Variants in KCNQ1 observed in about 807,000 individuals in gnomAD.
KCNQ1 encodes the protein potassium voltage-gated channel subfamily KQT member 1.
Under a neutral mutation model 72.4 loss-of-function variants are expected in KCNQ1, and 49 were observed. That is an observed-to-expected ratio of 0.68 (90% CI 0.54 to 0.86). The LOEUF (loss-of-function observed/expected upper bound fraction) is 0.86, where lower values mean the gene tolerates loss of function less well. KCNQ1 is among the 40% of genes least tolerant of loss of function. The pLI, the probability that KCNQ1 is intolerant of heterozygous loss-of-function variation, is 0.00. For missense variants in KCNQ1, 790 were observed against 945.1 expected (o/e 0.84, Z 2.15); for synonymous variants, 450 against 412.6 (o/e 1.09, Z -1.10).
At chr11:2,469,149 CTGTG>C (rs1455646868) in intron 1 of KCNQ1, among the ~76,000 whole-genome samples, 3 of 152,162 alleles carry the variant, frequency 2.0e-5, no homozygotes, top group African/African-American at 7.2e-5. Context: ...TGGTGACTCA[CTGTG>C]TGGGGTCATC....
rs906960803 is a variant in KCNQ1 at position 2,645,248 on chromosome 11, TGTG to T, written c.1394-16707_1394-16705del. The T allele has an allele frequency of 2.0e-5, 8 of 398,640 alleles. No homozygotes were observed. In the South Asian group the frequency reaches 5.1e-4, roughly 25 times the overall value. The allele number at this position is 398,640 out of a possible 1,614,324, so 24.7% of individuals were successfully genotyped here. A position where few individuals can be genotyped will look rare whatever the true frequency, so the allele number is the denominator to read the frequency against. On this transcript the variant is annotated intron_variant, in intron 10 of 15. Transcript: ENST00000155840. The surrounding 1 kb of genome is among the most constrained non-coding windows in gnomAD (Gnocchi z 5.8). ...GTGGCAAATTCAAGTGAATGCCAGT[TGTG>T]GTGGTAATGGTCAGTTGGGTAGGGC...
At position 2,473,232 on chromosome 11, in the gene KCNQ1, G is replaced by T. The variant is rs550655084; in HGVS notation, c.386+27748G>T. 6.6e-5 allele frequency among the ~76,000 whole-genome samples: 10 copies of T among 152,146 alleles called. No homozygotes were observed. In the South Asian group the frequency reaches 2.1e-3, roughly 32 times the overall value. ...AAGGGGTGGGGCTGGCAGGGAGGGG[G>T]CTCCATTAATTCTGATGTCATTTAT... On this transcript the variant is annotated intron_variant, in intron 1 of 15. Coordinates refer to ENST00000155840, the MANE Select transcript of KCNQ1 (RefSeq NM_000218.3). This position sits in a 1 kb window ranked among gnomAD's most constrained non-coding sequence, Gnocchi z 6.0.
chr11:2,663,634 A>G lies in KCNQ1; in HGVS notation c.1514+1553A>G. ...TCACGGACCAGCATCCAGACATGCA[A>G]AAAGTCCTACTGGGAGGAGAGGGCC... is the stretch of plus-strand genomic sequence containing the variant. On this transcript the variant is annotated intron_variant, in intron 11 of 15. Transcript: ENST00000155840. This position sits in a 1 kb window ranked among gnomAD's most constrained non-coding sequence, Gnocchi z 5.2. 1 of 398,674 alleles carries G rather than the reference A, an allele frequency of 2.5e-6. No individual in the cohort carries two copies. Among genetic ancestry groups the G allele is most frequent in the East Asian group, 3.6e-5 (1 of 28,076 alleles). 24.7% of individuals were successfully genotyped at this position (398,674 alleles called of 1,614,324 possible).
rs1313048150 is a variant in KCNQ1, at chr11:2,468,906, G to A, written c.386+23422G>A. ...TTTTGCTTCTCTTGTGCAAGCAAGT[G>A]GTTGAACTGCTCTGCAGCCCGCTGG... is the stretch of plus-strand genomic sequence containing the variant. On this transcript the variant is annotated intron_variant, in intron 1 of 15. Transcript: ENST00000155840. This position sits in a 1 kb window ranked among gnomAD's most constrained non-coding sequence, Gnocchi z 5.7. 3.9e-5 allele frequency among the ~76,000 whole-genome samples: 6 copies of A among 152,214 alleles called. No individual in the cohort carries two copies. The highest frequency in any genetic ancestry group is 6.3e-3 in the Middle Eastern group (2 of 316).
chr11:2,835,586 A>T (rs1393434751), intron 15 of KCNQ1, among the ~76,000 whole-genome samples: 1 of 152,088 alleles, frequency 6.6e-6, no homozygotes, highest in African/African-American at 2.4e-5. Context: ...CAGAAGCCCC[A>T]CCTCCAAGGA....
At position 2,654,481 on chromosome 11, in the gene KCNQ1, G is replaced by A. The variant is rs530682960; in HGVS notation, c.1394-7480G>A. 20 of 398,760 alleles carry A rather than the reference G, an allele frequency of 5.0e-5. No homozygotes were observed. Among genetic ancestry groups the A allele is most frequent in the Middle Eastern group, 6.3e-4 (1 of 1,590 alleles). The allele number at this position is 398,760 out of a possible 1,614,324, so 24.7% of individuals were successfully genotyped here. A position where few individuals can be genotyped will look rare whatever the true frequency, so the allele number is the denominator to read the frequency against. On this transcript the variant is annotated intron_variant, in intron 10 of 15. Coordinates refer to ENST00000155840, the MANE Select transcript of KCNQ1 (RefSeq NM_000218.3). This position sits in a 1 kb window ranked among gnomAD's most constrained non-coding sequence, Gnocchi z 6.4. ...CCAGGCACACATAAGCCCTGCAGCC[G>A]TACAGGGGAGGGGGCAATCTCCGGA...
chr11:2,514,740 G>T (rs1420065505), intron 1 of KCNQ1, among the ~76,000 whole-genome samples: 3 of 152,162 alleles, frequency 2.0e-5, no homozygotes, highest in African/African-American at 4.8e-5. Context: ...GCAGGAGAAT[G>T]GCATGAACCC....
At chr11:2,586,285 C>T (rs1273596034) in intron 8 of KCNQ1, among the ~76,000 whole-genome samples, 1 of 152,224 alleles carries the variant, frequency 6.6e-6, no homozygotes, top group African/African-American at 2.4e-5. Flanking sequence ...AAGGCCCAGG[C>T]TGTCAGGGGC....
Position 2,572,997 on chromosome 11 carries a change from A to G in KCNQ1, c.921+11A>G. On this transcript the variant is annotated intron_variant, in intron 6 of 15. Transcript: ENST00000155840. ...CTGTGGTGGGGGGTGGTAAGTCGGA[A>G]ACTTCCAGGCATGGGGACAGGGGCA... The G allele has an allele frequency of 6.2e-7, 1 of 1,612,026 alleles. No homozygotes were observed. Among genetic ancestry groups the G allele is most frequent in the Non-Finnish European group, 8.5e-7 (1 of 1,178,916 alleles).
Position 2,676,551 on chromosome 11 carries a change from C to A in KCNQ1, c.1514+14470C>A. ...ATAGAGGTAGTGGTACAGGAAAGGT[C>A]TAAGAAGGCTAAGGACCATCATACT... On this transcript the variant is annotated intron_variant, in intron 11 of 15. Coordinates refer to ENST00000155840, the MANE Select transcript of KCNQ1 (RefSeq NM_000218.3). This position sits in a 1 kb window ranked among gnomAD's most constrained non-coding sequence, Gnocchi z 4.2. The A allele has an allele frequency of 2.5e-6, 1 of 398,602 alleles. No individual in the cohort carries two copies. Among genetic ancestry groups the A allele is most frequent in the Non-Finnish European group, 4.4e-6 (1 of 226,066 alleles). 24.7% of individuals were successfully genotyped at this position (398,602 alleles called of 1,614,324 possible).
chr11:2,689,161 A>G, intron 11 of KCNQ1: 1 of 398,744 alleles, frequency 2.5e-6, no homozygotes. Flanking sequence ...AGGTGGCTCA[A>G]GGGCCTGCTC....
At chr11:2,757,555 T>C (rs1363908135) in intron 11 of KCNQ1, among the ~76,000 whole-genome samples, 1 of 152,218 alleles carries the variant, frequency 6.6e-6, no homozygotes, top group Non-Finnish European at 1.5e-5. Flanking sequence ...AGATTTCTTA[T>C]GGACATGGAC....
chr11:2,749,581 G>A (rs911454625), intron 11 of KCNQ1, among the ~76,000 whole-genome samples: 4 of 151,444 alleles, frequency 2.6e-5, no homozygotes, highest in African/African-American at 4.9e-5. Flanking sequence ...AGGCCGAGGC[G>A]GGCGGATCAC....
At position 2,481,706 on chromosome 11, in the gene KCNQ1, T is replaced by A. The variant is rs1846653877; in HGVS notation, c.386+36222T>A. 1.3e-5 allele frequency among the ~76,000 whole-genome samples: 2 copies of A among 152,318 alleles called. No homozygotes were observed. Among genetic ancestry groups the A allele is most frequent in the South Asian group, 4.1e-4 (2 of 4,828 alleles). On this transcript the variant is annotated intron_variant, in intron 1 of 15. Coordinates refer to ENST00000155840, the MANE Select transcript of KCNQ1 (RefSeq NM_000218.3). The surrounding 1 kb of genome is among the most constrained non-coding windows in gnomAD (Gnocchi z 4.6). ...CAGGGGTGTGTACCCTGTTGCAAAC[T>A]ATGCATGTGAGGGATCTAGGTTGCC...
At chr11:2,825,067 G>A (rs906834994) in intron 15 of KCNQ1, among the ~76,000 whole-genome samples, 2 of 152,244 alleles carry the variant, frequency 1.3e-5, no homozygotes, top group African/African-American at 4.8e-5. Context: ...GCTGGTGCAG[G>A]AGGCGCAGTG....
At chr11:2,534,938 C>G (rs1847704603) in intron 2 of KCNQ1, among the ~76,000 whole-genome samples, 1 of 152,222 alleles carries the variant, frequency 6.6e-6, no homozygotes, top group Non-Finnish European at 1.5e-5. Context: ...CTGCAGGGCC[C>G]TGTGTATGTG....
Position 2,848,870 on chromosome 11 carries a change from G to A in KCNQ1, c.*867G>A, listed in dbSNP as rs1215910726. On this transcript the variant is annotated 3_prime_UTR_variant, in exon 16 of 16. Coordinates refer to ENST00000155840, the MANE Select transcript of KCNQ1 (RefSeq NM_000218.3). ...CTACACAGGACAGGGGTTCCTTCTG[G>A]GCATTACATCGCATAGAAATCAATA... The A allele has an allele frequency of 2.2e-6, 1 of 454,140 alleles. No individual in the cohort carries two copies. The highest frequency in any genetic ancestry group is 4.4e-6 in the Non-Finnish European group (1 of 226,796). The allele number at this position is 454,140 out of a possible 1,614,324, so 28.1% of individuals were successfully genotyped here. A position where few individuals can be genotyped will look rare whatever the true frequency, so the allele number is the denominator to read the frequency against.
Position 2,830,693 on chromosome 11 carries a change from G to T in KCNQ1, c.1795-17074G>T, listed in dbSNP as rs1408902164. Reference sequence around the variant, plus strand: ...TTCCACTCACCTTCCGAGCATTGTGGGCCTTCCCAGGAACCCCCACATCTC... The same window carrying T: ...TTCCACTCACCTTCCGAGCATTGTGTGCCTTCCCAGGAACCCCCACATCTC... On this transcript the variant is annotated intron_variant, in intron 15 of 15. Coordinates refer to ENST00000155840, the MANE Select transcript of KCNQ1 (RefSeq NM_000218.3). The surrounding 1 kb of genome is among the most constrained non-coding windows in gnomAD (Gnocchi z 7.7). Among the ~76,000 whole-genome samples the T allele has an allele frequency of 6.6e-6, 1 of 152,046 alleles. No homozygotes were observed. The highest frequency in any genetic ancestry group is 1.9e-4 in the East Asian group (1 of 5,150).
In KCNQ1 at chr11:2,626,532, G is replaced by A. The variant is rs1367796740; in HGVS notation, c.1394-35429G>A. Reference sequence around the variant, plus strand: ...TTACTGTAGCTTCGTAATAAGTTGGGGTTTTTGTTTGTTTTTCAGACATTC... The same window carrying A: ...TTACTGTAGCTTCGTAATAAGTTGGAGTTTTTGTTTGTTTTTCAGACATTC... On this transcript the variant is annotated intron_variant, in intron 10 of 15. Coordinates refer to ENST00000155840, the MANE Select transcript of KCNQ1 (RefSeq NM_000218.3). The surrounding 1 kb of genome is among the most constrained non-coding windows in gnomAD (Gnocchi z 4.0). 1 of 398,388 alleles carries A rather than the reference G, an allele frequency of 2.5e-6. No homozygotes were observed. The highest frequency in any genetic ancestry group is 4.4e-5 in the Admixed American group (1 of 22,704). The allele number at this position is 398,388 out of a possible 1,614,324, so 24.7% of individuals were successfully genotyped here.
Sources: gnomAD v4.1 joint callset for allele counts (sites outside exome capture counted in the v4.1 genomes callset) on GRCh38, gnomAD v4.1.1 for gene constraint, Gnocchi (gnomAD v3.1) non-coding constraint, MANE v1.5 for transcripts, NCBI Gene and HGNC (gene_info 2026-07-23, HGNC 2026-07-21) for gene names.